CALHM3: variants seen among roughly 807,000 people sequenced by gnomAD.
CALHM3 encodes the protein calcium homeostasis modulator 3, also known as calcium homeostasis modulator protein 3.
In CALHM3, 9 loss-of-function variants were observed where a neutral mutation model predicts 13.6. That is an observed-to-expected ratio of 0.66 (90% CI 0.40 to 1.15). The LOEUF is 1.15. Ranked by LOEUF, CALHM3 falls within the 50% of genes most tolerant of loss-of-function variation. The pLI is 0.01. For missense variants in CALHM3, 497 were observed against 463.4 expected (o/e 1.07, Z -0.67); for synonymous variants, 231 against 213.2 (o/e 1.08, Z -0.73).
intron 2 of CALHM3, among the ~76,000 whole-genome samples, chr10:103,476,075 A>AT (rs765712360): frequency 6.6e-5 from 10 of 152,348 alleles, no homozygotes; most frequent in Non-Finnish European, 1.5e-4. Flanking sequence ...TGGCACATAA[A>AT]TGCTCAATAA....
chr10:103,475,417 G>A lies in CALHM3; in HGVS notation c.543+877C>T, dbSNP rs1361429306. ...ACAGCTGAGTCAGGATTCAAACCCC[G>A]GTCTCACTGCAAATTCCATGCTCTT... is the stretch of plus-strand genomic sequence containing the variant. On this transcript the variant is annotated intron_variant, in intron 2 of 2. Coordinates refer to ENST00000369783, the MANE Select transcript of CALHM3 (RefSeq NM_001129742.2). Among the ~76,000 whole-genome samples the A allele has an allele frequency of 3.9e-5, 6 of 152,104 alleles. No homozygotes were observed. The East Asian group carries it at 5.8e-4, about 15-fold the overall frequency.
At chr10:103,476,182 GA>G in intron 2 of CALHM3, 111 bp downstream of exon 2, 3 of 1,413,988 alleles carry the variant, frequency 2.1e-6, no homozygotes, top group Non-Finnish European at 2.9e-6. Context: ...TGCCTCCTGG[GA>G]ATGGGCTGAG....
intron 2 of CALHM3, among the ~76,000 whole-genome samples, chr10:103,475,969 C>T (rs1410482950): frequency 2.0e-5 from 3 of 152,230 alleles, no homozygotes; most frequent in African/African-American, 7.2e-5. Context: ...ATGAACTAAA[C>T]TCTCAGAGCC....
Position 103,473,349 on chromosome 10 carries a change from C to A in CALHM3, c.899G>T (p.Arg300Leu), listed in dbSNP as rs1416152167. ...RAISSREQVD[R>L]LLSTWYSSKP... ...GCTGGAGTACCACGTGCTTAGGAGG[C>A]GGTCCACCTGCTCCCGGCTGGAGAT... is the stretch of plus-strand genomic sequence containing the variant. The change falls in exon 3 of 3, where the codon CGC becomes CTC. Residue 300 changes from arginine to leucine, a missense_variant. By Grantham distance (102) the Arg-to-Leu change is moderately radical (BLOSUM62 -2). Transcript: ENST00000369783. The A allele has an allele frequency of 1.3e-6, 2 of 1,505,482 alleles. No individual in the cohort carries two copies. Among genetic ancestry groups the A allele is most frequent in the Non-Finnish European group, 1.8e-6 (2 of 1,121,594 alleles). 93.3% of individuals were successfully genotyped at this position (1,505,482 alleles called of 1,614,324 possible). A position where few individuals can be genotyped will look rare whatever the true frequency, so the allele number is the denominator to read the frequency against.
At position 103,473,471 on chromosome 10, in the gene CALHM3, C is replaced by G. The variant is rs1412248866; in HGVS notation, c.777G>C (p.Leu259=). 6.5e-7 allele frequency: 1 copy of G among 1,546,058 alleles called. No homozygotes were observed. The highest frequency in any genetic ancestry group is 1.2e-5 in the South Asian group (1 of 83,508). Residue 259 remains leucine, a synonymous_variant, in exon 3 of 3, where the codon CTG becomes CTC. Coordinates refer to ENST00000369783, the MANE Select transcript of CALHM3 (RefSeq NM_001129742.2). The stretch of plus-strand genomic sequence containing the variant: ...GTCTCCTGCCTGCATTGCCCCGGCG[C>G]AGCCCCCGCGCCTGCAGCTCACTCC... The part of the protein sequence containing the change: ...SMRSELQARG[L]RRGNAGRRLE...
Position 103,473,388 on chromosome 10 carries a change from G to C in CALHM3, c.860C>G (p.Ala287Gly). 4.7e-6 allele frequency: 7 copies of C among 1,492,872 alleles called. No individual in the cohort carries two copies. Among genetic ancestry groups the C allele is most frequent in the Non-Finnish European group, 6.3e-6 (7 of 1,118,084 alleles). 92.5% of individuals were successfully genotyped at this position (1,492,872 alleles called of 1,614,324 possible). Reference sequence around the variant, plus strand: ...CCGGCTGGAGATTGCGCGCAGGTGGGCCTTCCCACTTCCACTATCCAGGCC... The same window carrying C: ...CCGGCTGGAGATTGCGCGCAGGTGGCCCTTCCCACTTCCACTATCCAGGCC... ...PEGLDSGSGK[A>G]HLRAISSREQ... is the part of the protein sequence containing the mutation. Residue 287 changes from alanine to glycine, a missense_variant, in exon 3 of 3, where the codon GCC (alanine) becomes GGC (glycine). Ala to Gly is a moderately conservative substitution (Grantham distance 60). Transcript: ENST00000369783.
chr10:103,476,549 C>T lies in CALHM3; in HGVS notation c.288G>A (p.Arg96=). 1 of 1,551,156 alleles carries T rather than the reference C, an allele frequency of 6.4e-7. No individual in the cohort carries two copies. Among genetic ancestry groups the T allele is most frequent in the Non-Finnish European group, 8.7e-7 (1 of 1,146,756 alleles). The change falls in exon 2 of 3, where the codon AGG becomes AGA. Residue 96 remains arginine (R), a splice_region_variant and synonymous_variant. Transcript: ENST00000369783. ...TCTGCAGCACAGAGGAGCACATGTA[C>T]CTGGCAGCAGAGGAAGGAGGGGGGT... is the stretch of plus-strand genomic sequence containing the variant. ...GHRRKDPGII[R]YMCSSVLQRA...
At position 103,473,537 on chromosome 10, in the gene CALHM3, G is replaced by A; in HGVS notation, c.711C>T (p.Asp237=). 3.2e-6 allele frequency: 5 copies of A among 1,551,170 alleles called. No homozygotes were observed. The African/African-American group carries it at 5.5e-5, about 17-fold the overall frequency. The change falls in exon 3 of 3, where the codon GAC becomes GAT. Residue 237 remains aspartate, a synonymous_variant. Transcript: ENST00000369783. ...FDETCCEHAR[D]FAHRCVLHFF... ...AGTGCAGCACGCAGCGGTGCGCGAA[G>A]TCCCGCGCATGCTCACAGCAGGTCT...
Position 103,478,931 on chromosome 10 carries a change from G to A in CALHM3, c.102C>T (p.Tyr34=). The change falls in exon 1 of 3, where the codon TAC becomes TAT. Residue 34 remains tyrosine (Y), a synonymous_variant. Coordinates refer to ENST00000369783, the MANE Select transcript of CALHM3 (RefSeq NM_001129742.2). ...LLLAAVTVKL[Y]SSFDFNCPCL... ...AGGGACAGTTGAAGTCAAAGGAGGA[G>A]TACAGCTTGACGGTGACCGCAGCCA... The A allele has an allele frequency of 1.3e-6, 2 of 1,551,758 alleles. No homozygotes were observed. The highest frequency in any genetic ancestry group is 2.4e-5 in the South Asian group (2 of 84,066).
Position 103,479,109 on chromosome 10 carries a change from C to T in CALHM3, c.-77G>A. 6.9e-7 allele frequency: 1 copy of T among 1,446,236 alleles called. No individual in the cohort carries two copies. Among genetic ancestry groups the T allele is most frequent in the Non-Finnish European group, 9.3e-7 (1 of 1,077,648 alleles). 89.6% of individuals were successfully genotyped at this position (1,446,236 alleles called of 1,614,324 possible). On this transcript the variant is annotated 5_prime_UTR_variant, in exon 1 of 3. Transcript: ENST00000369783. ...GGCCACCTTCCTGGTGTCTGCTGTGCTGGGGACGAGCCTGGGATCTGCAAG... is the reference window on the plus strand; with the variant it reads ...GGCCACCTTCCTGGTGTCTGCTGTGTTGGGGACGAGCCTGGGATCTGCAAG...
intron 2 of CALHM3, 120 bp from the exon 3 acceptor site, chr10:103,473,824 T>G: frequency 7.9e-7 from 1 of 1,258,322 alleles, no homozygotes; most frequent in South Asian, 1.7e-5. Flanking sequence ...CATAATAATA[T>G]TCTTCATTTT....
At chr10:103,474,579 C>T (rs1004357524) in intron 2 of CALHM3, among the ~76,000 whole-genome samples, 5 of 152,142 alleles carry the variant, frequency 3.3e-5, no homozygotes, top group Non-Finnish European at 7.4e-5. Flanking sequence ...CTCAGCCTCC[C>T]GAGTAGCTGG....
rs1246758216 is a variant in CALHM3 at position 103,478,191 on chromosome 10, C to T, written c.287+555G>A. ...ATGGCCTTGCTGAGTTTCCCCACTC[C>T]GTCTATAACATCAGTTCATCCCTTT... is the stretch of plus-strand genomic sequence containing the variant. On this transcript the variant is annotated intron_variant, in intron 1 of 2. Coordinates refer to ENST00000369783, the MANE Select transcript of CALHM3 (RefSeq NM_001129742.2). 3.3e-5 allele frequency among the ~76,000 whole-genome samples: 5 copies of T among 152,304 alleles called. 1 individual carries two copies. In the South Asian group the frequency reaches 8.3e-4, roughly 25 times the overall value.
At position 103,476,360 on chromosome 10, in the gene CALHM3, C is replaced by T; in HGVS notation, c.477G>A (p.Glu159=). The change falls in exon 2 of 3, where the codon GAG becomes GAA. Residue 159 remains glutamate, a synonymous_variant. Coordinates refer to ENST00000369783, the MANE Select transcript of CALHM3 (RefSeq NM_001129742.2). Reference sequence around the variant, plus strand: ...CAGGGCTATCCCTGACCAGCTCATCCTCCTTGCAGGGAACCTTGGCCAGGA... The same window carrying T: ...CAGGGCTATCCCTGACCAGCTCATCTTCCTTGCAGGGAACCTTGGCCAGGA... ...QLFLAKVPCK[E]DELVRDSPAR... is the part of the protein sequence containing the mutation. The T allele has an allele frequency of 6.4e-7, 1 of 1,551,750 alleles. No individual in the cohort carries two copies.
At chr10:103,474,287 A>T (rs190814666) in intron 2 of CALHM3, among the ~76,000 whole-genome samples, 3 of 151,996 alleles carry the variant, frequency 2.0e-5, no homozygotes, top group African/African-American at 4.8e-5. Flanking sequence ...TAAATTCGTC[A>T]TCTTCCCATC....
In CALHM3 at chr10:103,479,046, G is replaced by C; in HGVS notation, c.-14C>G. 1 of 1,538,244 alleles carries C rather than the reference G, an allele frequency of 6.5e-7. No individual in the cohort carries two copies. On this transcript the variant is annotated 5_prime_UTR_variant, in exon 1 of 3. Transcript: ENST00000369783. The stretch of plus-strand genomic sequence containing the variant: ...GAATTTATCCATGGCTCCAGCCTGG[G>C]TGGGTGGGCGGCCGTCGGTTCGGCT...
chr10:103,473,743 G>T (rs79220939), intron 2 of CALHM3, 39 bp from the exon 3 acceptor site: 132 of 1,506,248 alleles, frequency 8.8e-5, no homozygotes, highest in Admixed American at 2.2e-4. Context: ...TGTGAGTGGG[G>T]CCTAATCCTA....
Position 103,478,917 on chromosome 10 carries a change from A to G in CALHM3, c.116T>C (p.Phe39Ser). ...GTAGTGCACCAGGCAGGGACAGTTG[A>G]AGTCAAAGGAGGAGTACAGCTTGAC... ...VTVKLYSSFD[F>S]NCPCLVHYNA... The change falls in exon 1 of 3, where the codon TTC becomes TCC. Residue 39 changes from phenylalanine to serine, a missense_variant. Phe to Ser is a radical substitution (Grantham distance 155). Coordinates refer to ENST00000369783, the MANE Select transcript of CALHM3 (RefSeq NM_001129742.2). 7.1e-6 allele frequency: 11 copies of G among 1,551,762 alleles called. No homozygotes were observed. Among genetic ancestry groups the G allele is most frequent in the Non-Finnish European group, 9.6e-6 (11 of 1,147,008 alleles).
intron 1 of CALHM3, among the ~76,000 whole-genome samples, chr10:103,477,648 C>T (rs1363178908): frequency 6.6e-6 from 1 of 152,194 alleles, no homozygotes; most frequent in Non-Finnish European, 1.5e-5. Flanking sequence ...CAGCTCACTG[C>T]AACCTCTGCC....
Sources: gnomAD v4.1 joint callset for allele counts (sites outside exome capture counted in the v4.1 genomes callset) on GRCh38, gnomAD v4.1.1 for gene constraint, MANE v1.5 for transcripts, NCBI Gene and HGNC (gene_info 2026-07-23, HGNC 2026-07-21) for gene names.